The following SLC35E4 variants were observed in gnomAD, a reference collection of about 807,000 sequenced individuals.
SLC35E4 encodes the protein solute carrier family 35 member E4, also known as solute carrier family 35, member E4.
In SLC35E4, 15 loss-of-function variants were observed where a neutral mutation model predicts 19.3. The ratio of observed to expected loss-of-function variants is 0.78; its 90% CI spans 0.52 to 1.20. SLC35E4 has a LOEUF of 1.20. Among genes scored for constraint, SLC35E4 ranks in the 50% most tolerant of loss-of-function variants. SLC35E4 has a pLI of 0.00. For synonymous variants in SLC35E4, 219 were observed against 219.9 expected (o/e 1.00, Z 0.04); for missense variants, 406 against 472.3 (o/e 0.86, Z 1.30).
intron 1 of SLC35E4, among the ~76,000 whole-genome samples, chr22:30,639,664 G>C (rs2088006217): frequency 1.3e-5 from 2 of 152,172 alleles, no homozygotes; most frequent in African/African-American, 4.8e-5. Flanking sequence ...AAAGAATTCA[G>C]CAACATTTCT....
chr22:30,654,184 C>G (rs2088286828), intron 2 of SLC35E4: 2 of 253,550 alleles, frequency 7.9e-6, no homozygotes, highest in African/African-American at 2.3e-5. Flanking sequence ...CTGGGTTTCA[C>G]CATGTTAGCC....
chr22:30,637,118 A>G (rs1479588725), intron 1 of SLC35E4, 49 bp downstream of exon 1: 2 of 1,522,090 alleles, frequency 1.3e-6, no homozygotes, highest in Admixed American at 2.1e-5. Flanking sequence ...GGGTGGGTGC[A>G]TGGCCTGGAT....
chr22:30,641,809 C>T (rs2088045763), intron 1 of SLC35E4, among the ~76,000 whole-genome samples: 1 of 149,736 alleles, frequency 6.7e-6, no homozygotes, highest in Non-Finnish European at 1.5e-5. Flanking sequence ...GATCTTCCCT[C>T]CGGGCCTCCC....
intron 2 of SLC35E4, among the ~76,000 whole-genome samples, chr22:30,659,252 G>A (rs1193658207): frequency 4.6e-5 from 7 of 152,088 alleles, no homozygotes; most frequent in South Asian, 4.2e-4. Flanking sequence ...GACATTTTCC[G>A]TGGGATTTAA....
At chr22:30,646,162 C>G (rs1380517869) in intron 1 of SLC35E4, among the ~76,000 whole-genome samples, 1 of 152,166 alleles carries the variant, frequency 6.6e-6, no homozygotes, top group Non-Finnish European at 1.5e-5. Flanking sequence ...ATTTAGATAT[C>G]CCAAGCATAT....
chr22:30,643,778 G>A (rs549399407), intron 1 of SLC35E4, among the ~76,000 whole-genome samples: 41 of 152,308 alleles, frequency 2.7e-4, no homozygotes, highest in African/African-American at 9.1e-4. Context: ...CCAATAGCAA[G>A]CAGACAGGGT....
chr22:30,636,865 G>A lies in SLC35E4; in HGVS notation c.415G>A (p.Val139Ile). ...RAVPLDLAQL[V>I]TTTTPLFTLA... ...TGTGCCCCTGGACCTGGCACAACTG[G>A]TTACTACCACCACACCTCTGTTCAC... is the stretch of plus-strand genomic sequence containing the variant. The change falls in exon 1 of 2, where the codon GTT (valine) becomes ATT (isoleucine). Residue 139 changes from valine (V) to isoleucine (I), a missense_variant. Val to Ile is a conservative substitution (Grantham distance 29). Coordinates refer to ENST00000343605, the MANE Select transcript of SLC35E4 (RefSeq NM_001001479.4). 8.7e-6 allele frequency: 14 copies of A among 1,613,012 alleles called. No individual in the cohort carries two copies. The highest frequency in any genetic ancestry group is 1.2e-5 in the Non-Finnish European group (14 of 1,179,622).
At chr22:30,637,120 G>C in intron 1 of SLC35E4, 51 bp downstream of exon 1, 1 of 1,522,172 alleles carries the variant, frequency 6.6e-7, no homozygotes, top group Non-Finnish European at 8.8e-7. Flanking sequence ...GTGGGTGCAT[G>C]GCCTGGATGG....
At chr22:30,643,029 C>CAAA (rs67770321) in intron 1 of SLC35E4, among the ~76,000 whole-genome samples, 1 of 81,384 alleles carries the variant, frequency 1.2e-5, no homozygotes, top group Admixed American at 1.3e-4. Context: ...GACTCCGTCT[C>CAAA]AAAAAAAAAA....
chr22:30,647,889 T>C lies in SLC35E4; in HGVS notation c.*858T>C, dbSNP rs1356116827. ...CCATCCTCAAATACACTATTTTTGCTTGTATGCCTGTGTCATTTGTTGGTT... is the reference window on the plus strand; with the variant it reads ...CCATCCTCAAATACACTATTTTTGCCTGTATGCCTGTGTCATTTGTTGGTT... On this transcript the variant is annotated 3_prime_UTR_variant, in exon 2 of 2. Transcript: ENST00000343605. The C allele has an allele frequency of 6.6e-6, 1 of 152,254 alleles. No individual in the cohort carries two copies. The highest frequency in any genetic ancestry group is 6.5e-5 in the Admixed American group (1 of 15,290). The allele number at this position is 152,254 out of a possible 1,614,324, so 9.4% of individuals were successfully genotyped here. A position where few individuals can be genotyped will look rare whatever the true frequency, so the allele number is the denominator to read the frequency against.
chr22:30,663,684 C>T, downstream of SLC35E4: 2 of 1,614,232 alleles, frequency 1.2e-6, no homozygotes, highest in Non-Finnish European at 1.7e-6. Flanking sequence ...GCGGCTCACA[C>T]CAGCAGCACA....
At chr22:30,639,440 G>C (rs1176839788) in intron 1 of SLC35E4, among the ~76,000 whole-genome samples, 1 of 152,150 alleles carries the variant, frequency 6.6e-6, no homozygotes, top group Non-Finnish European at 1.5e-5. Context: ...ATCTTATCAA[G>C]AGACAGGGTT....
chr22:30,640,581 T>G (rs2088021319), intron 1 of SLC35E4, among the ~76,000 whole-genome samples: 1 of 152,096 alleles, frequency 6.6e-6, no homozygotes, highest in Non-Finnish European at 1.5e-5. Context: ...GCTTCCTGCC[T>G]TTCCTACTGA....
At chr22:30,651,421 A>ATTTTTTTT (rs2088215746), downstream of SLC35E4, among the ~76,000 whole-genome samples, 1 of 53,252 alleles carries the variant, frequency 1.9e-5, no homozygotes, top group Non-Finnish European at 3.1e-5. Flanking sequence ...ATATATATAT[A>ATTTTTTTT]TATATATTTT....
intron 1 of SLC35E4, among the ~76,000 whole-genome samples, chr22:30,640,228 G>T (rs9619128): frequency 0.15 from 22,258 of 151,768 alleles, 3,184 homozygotes; most frequent in African/African-American, 0.37. Context: ...AAAATTAGCT[G>T]GGCGTGGTGG....
chr22:30,658,907 G>A (rs1269227880), intron 2 of SLC35E4, among the ~76,000 whole-genome samples: 1 of 152,122 alleles, frequency 6.6e-6, no homozygotes, highest in Non-Finnish European at 1.5e-5. Context: ...CACTTTGGGA[G>A]GCTGAGGCGG....
At chr22:30,648,364 C>T (rs536022805), downstream of SLC35E4, among the ~76,000 whole-genome samples, 3 of 152,182 alleles carry the variant, frequency 2.0e-5, no homozygotes, top group Non-Finnish European at 4.4e-5. Flanking sequence ...CTGTTCCCTC[C>T]GTCCAGTCCC....
In SLC35E4 at chr22:30,646,722, T is replaced by C; in HGVS notation, c.744T>C (p.Thr248=). The change falls in exon 2 of 2, where the codon ACT becomes ACC. Residue 248 remains threonine, a synonymous_variant. Transcript: ENST00000343605. ...AGGCTGGCGTTGCCCCACCGCCCAC[T>C]GCTGGCGACTCTCGCCTCTGGGCCT... ...VLEAGVAPPP[T]AGDSRLWACI... is the part of the protein sequence containing the mutation. The C allele has an allele frequency of 6.2e-7, 1 of 1,613,078 alleles. No homozygotes were observed. Among genetic ancestry groups the C allele is most frequent in the African/African-American group, 1.3e-5 (1 of 75,046 alleles).
Position 30,646,924 on chromosome 22 carries a change from GCACT to G in SLC35E4, c.952_955del (p.Thr318PhefsTer70), listed in dbSNP as rs768768061. On this transcript the variant is annotated frameshift_variant, in exon 2 of 2. Transcript: ENST00000343605. LOFTEE classifies it high-confidence loss of function. ...CAGTGCCCTCAGCTACGTGGGCATC[GCACT>G]CACTCTTTCAGGAATGTTCCTTTAC... The G allele has an allele frequency of 6.2e-6, 10 of 1,614,172 alleles. No individual in the cohort carries two copies. The highest frequency in any genetic ancestry group is 1.1e-5 in the South Asian group (1 of 91,088).
Sources: gnomAD v4.1 joint callset for allele counts (sites outside exome capture counted in the v4.1 genomes callset) on GRCh38, gnomAD v4.1.1 for gene constraint, MANE v1.5 for transcripts, NCBI Gene and HGNC (gene_info 2026-07-23, HGNC 2026-07-21) for gene names.